SGCZ: variants seen among roughly 807,000 people sequenced by gnomAD.
The protein encoded by SGCZ is zeta-sarcoglycan.
A neutral mutation model predicts 41.3 loss-of-function variants in SGCZ; 40 were observed. The observed-to-expected ratio is 0.97, with a 90% CI of 0.75 to 1.26. The LOEUF is 1.26. SGCZ is among the 50% of genes most tolerant of loss of function. The pLI is 0.00. For missense variants in SGCZ, 552 were observed against 369.8 expected (o/e 1.49, Z -4.04); for synonymous variants, 206 against 137.5 (o/e 1.50, Z -3.49).
At chr8:14,119,978 G>A (rs1004386439) in intron 5 of SGCZ, among the ~76,000 whole-genome samples, 3 of 151,988 alleles carry the variant, frequency 2.0e-5, no homozygotes, top group African/African-American at 7.2e-5. Context: ...ATTTTTTTGA[G>A]GATTTTTGCA....
chr8:14,775,460 A>AGTGTGTGTGTGTGTGTGT (rs71739993), intron 1 of SGCZ, among the ~76,000 whole-genome samples: 1 of 149,210 alleles, frequency 6.7e-6, no homozygotes. Context: ...AGAATATTTG[A>AGTGTGTGTGTGTGTGTGT]GTGTGTGTGT....
intron 1 of SGCZ, among the ~76,000 whole-genome samples, chr8:14,858,252 TATTA>T (rs548981599): frequency 3.9e-5 from 6 of 152,072 alleles, no homozygotes; most frequent in Admixed American, 1.3e-4. Flanking sequence ...ATTATTTAAA[TATTA>T]ATTAATTTGC....
intron 4 of SGCZ, among the ~76,000 whole-genome samples, chr8:14,223,567 G>C (rs1453731374): frequency 6.6e-6 from 1 of 151,834 alleles, no homozygotes; most frequent in African/African-American, 2.4e-5. Context: ...GAATTAGTGA[G>C]CTGTTGGAAC....
chr8:14,377,887 C>T (rs1268739448), intron 2 of SGCZ, among the ~76,000 whole-genome samples: 1 of 151,402 alleles, frequency 6.6e-6, no homozygotes, highest in African/African-American at 2.4e-5. Flanking sequence ...GCATAGTATT[C>T]CATGGTGTAT....
At chr8:14,181,589 T>A (rs1804728695) in intron 4 of SGCZ, among the ~76,000 whole-genome samples, 1 of 152,204 alleles carries the variant, frequency 6.6e-6, no homozygotes. Flanking sequence ...CGGGGCCAGA[T>A]GGAGATAACT....
intron 1 of SGCZ, among the ~76,000 whole-genome samples, chr8:14,633,711 C>T (rs1806733507): frequency 6.6e-6 from 1 of 151,764 alleles, no homozygotes; most frequent in South Asian, 2.1e-4. Flanking sequence ...ATTTTGATCT[C>T]TTAATTCAAC....
chr8:14,474,059 T>C (rs1314219275), intron 2 of SGCZ, among the ~76,000 whole-genome samples: 3 of 152,094 alleles, frequency 2.0e-5, no homozygotes, highest in African/African-American at 2.4e-5. Flanking sequence ...GGGAAAGTTA[T>C]AGGGGAAAGA....
intron 1 of SGCZ, among the ~76,000 whole-genome samples, chr8:14,725,121 A>G (rs1388647512): frequency 2.0e-5 from 3 of 152,136 alleles, no homozygotes; most frequent in African/African-American, 7.2e-5. Context: ...TGCTTGGCTT[A>G]TTTCACTTAA....
At chr8:15,124,917 T>C (rs567928297) in intron 1 of SGCZ, among the ~76,000 whole-genome samples, 3 of 152,296 alleles carry the variant, frequency 2.0e-5, no homozygotes, top group African/African-American at 7.2e-5. Context: ...AAAATTTTAT[T>C]TCATATGATA....
intron 3 of SGCZ, among the ~76,000 whole-genome samples, chr8:14,291,952 G>C (rs187675314): frequency 6.6e-6 from 1 of 151,972 alleles, no homozygotes; most frequent in Non-Finnish European, 1.5e-5. Context: ...AACATATTCA[G>C]CCAGAAGAAA....
intron 2 of SGCZ, among the ~76,000 whole-genome samples, chr8:14,332,323 C>G (rs976262475): frequency 3.5e-4 from 53 of 152,098 alleles, no homozygotes; most frequent in African/African-American, 1.2e-3. Flanking sequence ...TGCCTGTAGT[C>G]CCAGCTACTC....
intron 2 of SGCZ, among the ~76,000 whole-genome samples, chr8:14,437,857 T>C (rs1056495940): frequency 6.6e-6 from 1 of 151,958 alleles, no homozygotes; most frequent in Non-Finnish European, 1.5e-5. Flanking sequence ...TTGTGGCTTT[T>C]GTATAATATC....
At chr8:14,935,841 C>T (rs545788556) in intron 1 of SGCZ, among the ~76,000 whole-genome samples, 2 of 151,624 alleles carry the variant, frequency 1.3e-5, no homozygotes, top group African/African-American at 4.8e-5. Context: ...TAAAGGGACC[C>T]TGCTAAATCA....
intron 3 of SGCZ, among the ~76,000 whole-genome samples, chr8:14,271,512 T>C (rs1800057499): frequency 6.6e-6 from 1 of 152,240 alleles, no homozygotes; most frequent in African/African-American, 2.4e-5. Flanking sequence ...TTAGGAATGC[T>C]GCTTCACTGG....
chr8:15,155,131 A>T (rs1799292160), intron 1 of SGCZ, among the ~76,000 whole-genome samples: 1 of 152,028 alleles, frequency 6.6e-6, no homozygotes, highest in Admixed American at 6.6e-5. Context: ...TATTTCTACT[A>T]AAAATACAGA....
intron 1 of SGCZ, among the ~76,000 whole-genome samples, chr8:15,019,726 G>A (rs1803182435): frequency 6.6e-6 from 1 of 151,530 alleles, no homozygotes; most frequent in African/African-American, 2.4e-5. Context: ...CCTCCAATCT[G>A]ACTGGCATCA....
At chr8:14,969,000 G>A (rs919197650) in intron 1 of SGCZ, among the ~76,000 whole-genome samples, 3 of 152,064 alleles carry the variant, frequency 2.0e-5, no homozygotes, top group Admixed American at 6.5e-5. Context: ...TCAGCCTTAT[G>A]AGAACATTTA....
rs374988671 is a variant in SGCZ at position 14,742,289 on chromosome 8, G to A, written c.40-187363C>T. 1.2e-3 allele frequency among the ~76,000 whole-genome samples: 184 copies of A among 152,066 alleles called. 1 individual carries two copies. Among genetic ancestry groups the A allele is most frequent in the African/African-American group, 3.9e-3 (162 of 41,516 alleles). ...AAATTTCATGAATTAAAATACATAA[G>A]CACTTATGCACGTGCACGCGCGCTC... On this transcript the variant is annotated intron_variant, in intron 1 of 7. Coordinates refer to ENST00000382080, the MANE Select transcript of SGCZ (RefSeq NM_139167.4).
chr8:14,829,957 G>C (rs181948606), intron 1 of SGCZ, among the ~76,000 whole-genome samples: 2 of 152,088 alleles, frequency 1.3e-5, no homozygotes, highest in East Asian at 3.9e-4. Context: ...GACTACAGGC[G>C]ACTGCACCAC....
Sources: allele counts gnomAD v4.1 joint callset (sites outside exome capture counted in the v4.1 genomes callset), GRCh38; gene constraint gnomAD v4.1.1; transcripts MANE v1.5; gene names NCBI Gene and HGNC (gene_info 2026-07-23, HGNC 2026-07-21).